Variants in SEL1L2 observed in about 807,000 individuals in gnomAD.
SEL1L2 encodes the protein SEL1L2 adaptor subunit of SYVN1 ubiquitin ligase, also known as protein sel-1 homolog 2.
In SEL1L2, 89 loss-of-function variants were observed where a neutral mutation model predicts 98.8. The ratio of observed to expected loss-of-function variants is 0.90; its 90% CI spans 0.76 to 1.07. The LOEUF (loss-of-function observed/expected upper bound fraction) is 1.07. SEL1L2 is among the 50% of genes least tolerant of loss of function. The pLI, the probability that SEL1L2 is intolerant of heterozygous loss-of-function variation, is 0.00. For missense variants in SEL1L2, 788 were observed against 812.0 expected (o/e 0.97, Z 0.36); for synonymous variants, 262 against 278.5 (o/e 0.94, Z 0.59).
intron 4 of SEL1L2, chr20:13,915,256 A>C: frequency 3.9e-6 from 5 of 1,287,832 alleles, no homozygotes; most frequent in Non-Finnish European, 5.1e-6. Context: ...ATGTCAAAAC[A>C]CAGGGTGAGT....
intron 1 of SEL1L2, among the ~76,000 whole-genome samples, chr20:13,961,953 G>C (rs141300273): frequency 4.3e-4 from 66 of 152,278 alleles, no homozygotes; most frequent in African/African-American, 1.6e-3. Flanking sequence ...GTATGTGAAG[G>C]CATAGGGGAA....
chr20:13,959,901 G>A (rs2050704791), intron 1 of SEL1L2, among the ~76,000 whole-genome samples: 1 of 152,134 alleles, frequency 6.6e-6, no homozygotes, highest in Non-Finnish European at 1.5e-5. Context: ...TAGTTTAAAA[G>A]GGACTATGGC....
chr20:13,877,887 G>A (rs1288911041), intron 10 of SEL1L2, among the ~76,000 whole-genome samples: 1 of 152,198 alleles, frequency 6.6e-6, no homozygotes, highest in African/African-American at 2.4e-5. Context: ...TTTGTAGGGT[G>A]AGATGAATCC....
intron 4 of SEL1L2, among the ~76,000 whole-genome samples, chr20:13,917,786 C>CTTTTTTT (rs5840588): frequency 0.011 from 526 of 50,088 alleles, 23 homozygotes; most frequent in African/African-American, 0.017. Flanking sequence ...TTCTTTCTTT[C>CTTTTTTT]TTTTTTTTTT....
chr20:13,854,672 A>ATTT (rs1568821861), intron 18 of SEL1L2, among the ~76,000 whole-genome samples: 7 of 152,208 alleles, frequency 4.6e-5, no homozygotes, highest in Admixed American at 4.6e-4. Context: ...TATAGGAAAT[A>ATTT]GTCCTTGATA....
At chr20:13,992,916 C>A (rs754711576), upstream of SEL1L2, among the ~76,000 whole-genome samples, 24 of 152,092 alleles carry the variant, frequency 1.6e-4, no homozygotes, top group Non-Finnish European at 3.2e-4. Context: ...ACCCTTATGA[C>A]CTCATTTAAA....
rs748284182 is a variant in SEL1L2 at position 13,913,844 on chromosome 20, T to C, written c.487A>G (p.Ile163Val). 2 of 1,560,246 alleles carry C rather than the reference T, an allele frequency of 1.3e-6. No homozygotes were observed. The highest frequency in any genetic ancestry group is 1.3e-5 in the South Asian group (1 of 79,608). Reference sequence around the variant, plus strand: ...TCATATAATTGGATAGCTGCTGTTATATTTTGCACGCCAAAATTTCCAAAT... The same window carrying C: ...TCATATAATTGGATAGCTGCTGTTACATTTTGCACGCCAAAATTTCCAAAT... ...LLFGNFGVQN[I>V]TAAIQLYESL... Residue 163 changes from isoleucine to valine, a missense_variant, in exon 5 of 20, where the codon ATA becomes GTA. Physicochemically the swap from Ile to Val is conservative, Grantham distance 29 (BLOSUM62 3). Transcript: ENST00000284951.
chr20:13,849,396 C>T lies in SEL1L2; in HGVS notation c.*89G>A. On this transcript the variant is annotated 3_prime_UTR_variant, in exon 20 of 20. Transcript: ENST00000284951. ...GCCCTGAGCGGGAAACTGCAGCGGACTCTTGATTTGGATGGGAAACTGTTT... is the reference window on the plus strand; with the variant it reads ...GCCCTGAGCGGGAAACTGCAGCGGATTCTTGATTTGGATGGGAAACTGTTT... 1 of 1,522,684 alleles carries T rather than the reference C, an allele frequency of 6.6e-7. No individual in the cohort carries two copies. The highest frequency in any genetic ancestry group is 9.0e-7 in the Non-Finnish European group (1 of 1,116,134). The allele number at this position is 1,522,684 out of a possible 1,614,324, so 94.3% of individuals were successfully genotyped here. A position where few individuals can be genotyped will look rare whatever the true frequency, so the allele number is the denominator to read the frequency against.
chr20:13,989,005 C>T (rs1404308913), intron 1 of SEL1L2, among the ~76,000 whole-genome samples: 3 of 152,090 alleles, frequency 2.0e-5, no homozygotes, highest in African/African-American at 7.2e-5. Context: ...AAGAGCGAAA[C>T]TCCATCTCAA....
chr20:13,922,237 AT>A (rs200201701), intron 3 of SEL1L2, among the ~76,000 whole-genome samples: 3 of 152,050 alleles, frequency 2.0e-5, no homozygotes, highest in South Asian at 2.1e-4. Flanking sequence ...TTTTAATGCA[AT>A]TTTTTTTACC....
intron 18 of SEL1L2, among the ~76,000 whole-genome samples, chr20:13,858,121 C>T (rs557238717): frequency 6.6e-6 from 1 of 152,226 alleles, no homozygotes; most frequent in South Asian, 2.1e-4. Context: ...AAAAGGCAGG[C>T]TGCAGGGGAG....
chr20:13,990,429 CAA>C (rs2052489433), intron 1 of SEL1L2, 46 bp downstream of exon 1: 3 of 1,355,822 alleles, frequency 2.2e-6, no homozygotes, highest in Admixed American at 1.8e-5. Flanking sequence ...GCTGTTTGAG[CAA>C]AGAGAAGAGA....
rs755159374 is a variant in SEL1L2, at chr20:13,866,816, G to A, written c.1290C>T (p.Ala430=). The change falls in exon 15 of 20, where the codon GCC becomes GCT. Residue 430 remains alanine, a synonymous_variant. Coordinates refer to ENST00000284951, the MANE Select transcript of SEL1L2 (RefSeq NM_025229.2). ...GSGIWKDYKL[A]FKYFYLASQS... Reference sequence around the variant, plus strand: ...GAGATGCCAGGTAAAAATATTTGAAGGCAAGTTTATAATCCTTCCATATTC... The same window carrying A: ...GAGATGCCAGGTAAAAATATTTGAAAGCAAGTTTATAATCCTTCCATATTC... The A allele has an allele frequency of 1.2e-6, 2 of 1,612,472 alleles. No individual in the cohort carries two copies. The highest frequency in any genetic ancestry group is 1.7e-6 in the Non-Finnish European group (2 of 1,179,358).
chr20:13,979,621 T>A (rs773415377), intron 1 of SEL1L2, among the ~76,000 whole-genome samples: 37 of 152,222 alleles, frequency 2.4e-4, no homozygotes, highest in Non-Finnish European at 4.6e-4. Context: ...AAACTGGCAC[T>A]TAATCTCTGT....
Position 13,853,303 on chromosome 20 carries a change from A to T in SEL1L2, c.1819-2984T>A, listed in dbSNP as rs187025656. 1.1e-3 allele frequency among the ~76,000 whole-genome samples: 160 copies of T among 151,750 alleles called. No homozygotes were observed. In the South Asian group the frequency reaches 0.013, roughly 12 times the overall value. On this transcript the variant is annotated intron_variant, in intron 18 of 19. Coordinates refer to ENST00000284951, the MANE Select transcript of SEL1L2 (RefSeq NM_025229.2). Reference sequence around the variant, plus strand: ...TGCCTCCACCTCCAGGGCTTGAGCGATCCTCCCATCTGGGCTTCCTGAGTA... The same window carrying T: ...TGCCTCCACCTCCAGGGCTTGAGCGTTCCTCCCATCTGGGCTTCCTGAGTA...
At chr20:13,993,629 G>A (rs2052577300), upstream of SEL1L2, among the ~76,000 whole-genome samples, 1 of 152,156 alleles carries the variant, frequency 6.6e-6, no homozygotes, top group South Asian at 2.1e-4. Flanking sequence ...GGACTGGCTG[G>A]AGGCTGGAGT....
At chr20:13,972,622 C>T (rs901388534) in intron 1 of SEL1L2, among the ~76,000 whole-genome samples, 3 of 146,304 alleles carry the variant, frequency 2.1e-5, no homozygotes, top group Non-Finnish European at 3.1e-5. Flanking sequence ...ATGAAAATGT[C>T]TCATGTTTGA....
intron 4 of SEL1L2, among the ~76,000 whole-genome samples, chr20:13,917,563 G>A (rs1057284198): frequency 5.9e-5 from 9 of 152,114 alleles, no homozygotes; most frequent in Non-Finnish European, 1.3e-4. Context: ...TGTTGATGTT[G>A]TCATAACCAG....
chr20:13,972,246 A>G (rs1028990464), intron 1 of SEL1L2, among the ~76,000 whole-genome samples: 9 of 152,216 alleles, frequency 5.9e-5, no homozygotes, highest in Non-Finnish European at 1.3e-4. Context: ...CATATTTGCA[A>G]CACAGATTCA....
Sources: gnomAD v4.1 joint callset for allele counts (sites outside exome capture counted in the v4.1 genomes callset) on GRCh38, gnomAD v4.1.1 for gene constraint, MANE v1.5 for transcripts, NCBI Gene and HGNC (gene_info 2026-07-23, HGNC 2026-07-21) for gene names.